KIAA0319: variants seen among roughly 807,000 people sequenced by gnomAD.
KIAA0319 encodes KIAA0319.
KIAA0319 carries 83 observed loss-of-function variants against 108.4 expected under a neutral mutation model. The observed-to-expected ratio is 0.77, with a 90% CI of 0.64 to 0.92. The LOEUF (loss-of-function observed/expected upper bound fraction) is 0.92. Ranked by LOEUF, KIAA0319 falls within the 40% of genes least tolerant of loss-of-function variation. The pLI is 0.00. For synonymous variants in KIAA0319, 484 were observed against 510.4 expected (o/e 0.95, Z 0.70); for missense variants, 1,195 against 1,322.4 (o/e 0.90, Z 1.49).
At chr6:24,630,699 A>G (rs1775456863) in intron 1 of KIAA0319, among the ~76,000 whole-genome samples, 1 of 69,188 alleles carries the variant, frequency 1.4e-5, no homozygotes. Context: ...ATATATATAT[A>G]TATACACATA....
At chr6:24,641,817 C>T (rs930525269) in intron 1 of KIAA0319, among the ~76,000 whole-genome samples, 2 of 151,854 alleles carry the variant, frequency 1.3e-5, no homozygotes, top group Non-Finnish European at 2.9e-5. Flanking sequence ...AGGTCACTTG[C>T]GCCCAGGAGT....
Position 24,582,260 on chromosome 6 carries a change from T to A in KIAA0319, c.1180A>T (p.Asn394Tyr). 1 of 1,590,078 alleles carries A rather than the reference T, an allele frequency of 6.3e-7. No homozygotes were observed. Among genetic ancestry groups the A allele is most frequent in the African/African-American group, 1.3e-5 (1 of 74,528 alleles). The part of the protein sequence containing the change: ...EIKQGHKQTL[N>Y]LSQLSVGLYV... Reference sequence around the variant, plus strand: ...CTCCAGTTACTTACTTGAGAGAGGTTAAGAGTTTGCTTGTGTCCTTGTTTT... The same window carrying A: ...CTCCAGTTACTTACTTGAGAGAGGTAAAGAGTTTGCTTGTGTCCTTGTTTT... Residue 394 changes from asparagine (N) to tyrosine (Y), a missense_variant, in exon 6 of 21, where the codon AAC becomes TAC. Transcript: ENST00000378214.
intron 2 of KIAA0319, chr6:24,598,217 G>T: frequency 1.9e-6 from 1 of 524,864 alleles, no homozygotes; most frequent in Non-Finnish European, 3.5e-6. Flanking sequence ...GGTATGGAGG[G>T]CATCACAGCC....
intron 4 of KIAA0319, among the ~76,000 whole-genome samples, chr6:24,584,349 G>A (rs890919461): frequency 2.0e-5 from 3 of 150,614 alleles, no homozygotes; most frequent in African/African-American, 7.3e-5. Context: ...AAATTCTATC[G>A]GTTTGGCTCC....
intron 4 of KIAA0319, among the ~76,000 whole-genome samples, chr6:24,584,837 G>A (rs1284449381): frequency 1.3e-5 from 2 of 152,166 alleles, no homozygotes; most frequent in Non-Finnish European, 2.9e-5. Flanking sequence ...GCTTTAAAAT[G>A]ATCAATTCAT....
Position 24,596,310 on chromosome 6 carries a change from T to G in KIAA0319, c.364A>C (p.Asn122His), listed in dbSNP as rs755928541. Residue 122 changes from asparagine to histidine, a missense_variant, in exon 3 of 21, where the codon AAC (asparagine) becomes CAC (histidine). By Grantham distance (68) the Asn-to-His change is moderately conservative. Transcript: ENST00000378214. The stretch of plus-strand genomic sequence containing the variant: ...CAGATCCCCGAGGGGGAGCCCCTGT[T>G]CAGCATCATGTCCCCATAGTCCAGC... The part of the protein sequence containing the change: ...QLLDYGDMML[N>H]RGSPSGIWGD... The G allele has an allele frequency of 1.2e-6, 2 of 1,614,152 alleles. No individual in the cohort carries two copies. The highest frequency in any genetic ancestry group is 3.3e-5 in the Admixed American group (2 of 60,026).
chr6:24,577,532 C>T (rs1388615495), intron 9 of KIAA0319, among the ~76,000 whole-genome samples: 2 of 152,198 alleles, frequency 1.3e-5, no homozygotes, highest in Admixed American at 1.3e-4. Flanking sequence ...CTTCATCCTT[C>T]TACGTTAAAG....
chr6:24,603,474 A>G (rs1770943488), intron 1 of KIAA0319, among the ~76,000 whole-genome samples: 1 of 152,226 alleles, frequency 6.6e-6, no homozygotes, highest in Non-Finnish European at 1.5e-5. Context: ...GCAAGATGGT[A>G]TGTTGTAATA....
rs60265389 is a variant in KIAA0319, at chr6:24,644,246, A to AG, written c.-106+1489dup. The stretch of plus-strand genomic sequence containing the variant: ...TGGGATAGCTTCCTGGACAGGGGAG[A>AG]GGGGGGGGTTCCCACTCTGAACCAG... On this transcript the variant is annotated intron_variant, in intron 1 of 20. Transcript: ENST00000378214. 8.3e-4 allele frequency among the ~76,000 whole-genome samples: 125 copies of AG among 151,404 alleles called. 2 individuals carry two copies. The South Asian group carries it at 0.013, about 16-fold the overall frequency.
chr6:24,625,847 A>C (rs1774638784), intron 1 of KIAA0319, among the ~76,000 whole-genome samples: 1 of 152,238 alleles, frequency 6.6e-6, no homozygotes, highest in East Asian at 1.9e-4. Context: ...AGTACTTAGG[A>C]ATAAATTTAA....
At chr6:24,639,783 G>A (rs9467244) in intron 1 of KIAA0319, among the ~76,000 whole-genome samples, 101,226 of 150,222 alleles carry the variant, frequency 0.67, 34,808 homozygotes, top group East Asian at 0.87. Flanking sequence ...GGGAGGCGGA[G>A]TTGCAGTGAG....
rs368839108 is a variant in KIAA0319, at chr6:24,580,319, C to A, written c.1280-369G>T. On this transcript the variant is annotated intron_variant, in intron 7 of 20. Coordinates refer to ENST00000378214, the MANE Select transcript of KIAA0319 (RefSeq NM_014809.4). ...CTCTAACTGAAGGCAACTCCCCCCCCCACCCCCCATAACCATATGCAAAAG... is the reference window on the plus strand; with the variant it reads ...CTCTAACTGAAGGCAACTCCCCCCCACACCCCCCATAACCATATGCAAAAG... Among the ~76,000 whole-genome samples the A allele has an allele frequency of 9.5e-4, 140 of 146,876 alleles. 1 individual carries two copies. The highest frequency in any genetic ancestry group is 3.4e-3 in the Middle Eastern group (1 of 292).
intron 1 of KIAA0319, among the ~76,000 whole-genome samples, chr6:24,628,091 A>G (rs1279944882): frequency 5.9e-5 from 9 of 152,210 alleles, no homozygotes; most frequent in Non-Finnish European, 1.3e-4. Context: ...AGCATGTCCT[A>G]ATAATTACAG....
intron 16 of KIAA0319, 55 bp downstream of exon 16, chr6:24,563,304 G>A: frequency 6.4e-7 from 1 of 1,561,610 alleles, no homozygotes; most frequent in Non-Finnish European, 8.7e-7. Flanking sequence ...CTGGGATGAG[G>A]TAAGAGCTGG....
intron 1 of KIAA0319, among the ~76,000 whole-genome samples, chr6:24,608,930 CA>C (rs57120652): frequency 9.0e-4 from 27 of 30,104 alleles, no homozygotes; most frequent in African/African-American, 4.9e-3. Context: ...GACTCCGTCT[CA>C]AAAAAAAAAA....
rs557922467 is a variant in KIAA0319 at position 24,547,933 on chromosome 6, T to C, written c.3041-590A>G. ...CTATAATCCCAGCCCTTTGGGAGGC[T>C]GAGGTGGGAGGATCACTTGAGGCCA... On this transcript the variant is annotated intron_variant, in intron 20 of 20. Coordinates refer to ENST00000378214, the MANE Select transcript of KIAA0319 (RefSeq NM_014809.4). Among the ~76,000 whole-genome samples the C allele has an allele frequency of 2.6e-4, 40 of 152,216 alleles. No individual in the cohort carries two copies. In the Middle Eastern group the frequency reaches 0.014, roughly 52 times the overall value.
Position 24,596,062 on chromosome 6 carries a change from C to A in KIAA0319, c.612G>T (p.Ala204=). ...GGTCCTGCTGCGTCTCCGCTGGCAC[C>A]GCAGGACTGTCTCCAACAGAGGAGT... ...AFNSSVGDSP[A]VPAETQQDPE... The change falls in exon 3 of 21, where the codon GCG becomes GCT. Residue 204 remains alanine (A), a synonymous_variant. Coordinates refer to ENST00000378214, the MANE Select transcript of KIAA0319 (RefSeq NM_014809.4). 6.2e-7 allele frequency: 1 copy of A among 1,613,988 alleles called. No homozygotes were observed. The highest frequency in any genetic ancestry group is 2.2e-5 in the East Asian group (1 of 44,880).
At chr6:24,548,113 T>G (rs573221659) in intron 20 of KIAA0319, among the ~76,000 whole-genome samples, 1 of 152,190 alleles carries the variant, frequency 6.6e-6, no homozygotes, top group Non-Finnish European at 1.5e-5. Flanking sequence ...TTTTTTAAAT[T>G]GTATATGAAT....
chr6:24,633,056 T>C (rs923488651), intron 1 of KIAA0319, among the ~76,000 whole-genome samples: 1 of 152,132 alleles, frequency 6.6e-6, no homozygotes, highest in Non-Finnish European at 1.5e-5. Flanking sequence ...CCCTCCTTTT[T>C]CAACTTCCTA....
Sources: gnomAD v4.1 joint callset for allele counts (sites outside exome capture counted in the v4.1 genomes callset) on GRCh38, gnomAD v4.1.1 for gene constraint, MANE v1.5 for transcripts, NCBI Gene and HGNC (gene_info 2026-07-23, HGNC 2026-07-21) for gene names.